Variants in FGF12 observed in about 807,000 individuals in gnomAD.
FGF12 encodes fibroblast growth factor 12.
A neutral mutation model predicts 23.6 loss-of-function variants in FGF12; 14 were observed. That is an observed-to-expected ratio of 0.59 (90% CI 0.39 to 0.93). The LOEUF is 0.93. Ranked by LOEUF, FGF12 falls within the 40% of genes least tolerant of loss-of-function variation. The pLI, the probability that FGF12 is intolerant of heterozygous loss-of-function variation, is 0.00. For missense variants in FGF12, 175 were observed against 217.8 expected (o/e 0.80, Z 1.24); for synonymous variants, 62 against 77.3 (o/e 0.80, Z 1.04).
rs141867179 is a variant in FGF12, at chr3:192,637,231, C to T, written c.13+89950G>A. 4.8e-3 allele frequency among the ~76,000 whole-genome samples: 732 copies of T among 152,306 alleles called. 1 individual carries two copies. Among genetic ancestry groups the T allele is most frequent in the Non-Finnish European group, 7.0e-3 (477 of 68,028 alleles). On this transcript the variant is annotated intron_variant, in intron 2 of 5. Transcript: ENST00000445105. ...AGCTTCTATGGCCCTCTTCTCAGGACGCCCAGAATAGCCATGTTCTGCACC... is the reference window on the plus strand; with the variant it reads ...AGCTTCTATGGCCCTCTTCTCAGGATGCCCAGAATAGCCATGTTCTGCACC...
At chr3:192,224,710 A>G (rs1221904325) in intron 4 of FGF12, among the ~76,000 whole-genome samples, 2 of 152,128 alleles carry the variant, frequency 1.3e-5, no homozygotes, top group Non-Finnish European at 2.9e-5. Flanking sequence ...TCAGAAAATT[A>G]GTTAGAATAA....
At chr3:192,707,544 G>A (rs1385031921) in intron 2 of FGF12, among the ~76,000 whole-genome samples, 1 of 151,916 alleles carries the variant, frequency 6.6e-6, no homozygotes, top group Non-Finnish European at 1.5e-5. Context: ...TCAGGAGATC[G>A]AGACCATCCT....
At chr3:192,647,589 A>C (rs896852031) in intron 2 of FGF12, among the ~76,000 whole-genome samples, 1 of 151,802 alleles carries the variant, frequency 6.6e-6, no homozygotes, top group Non-Finnish European at 1.5e-5. Context: ...GTCAATAATC[A>C]AAGAATGAAT....
rs1207101263 is a variant in FGF12 at position 192,336,852 on chromosome 3, T to C, written c.125-1388A>G. Reference sequence around the variant, plus strand: ...TTTCAGTCAAATGTTCAATTGACAGTTGTAGAGGATCAAGTCTTAGACCAC... The same window carrying C: ...TTTCAGTCAAATGTTCAATTGACAGCTGTAGAGGATCAAGTCTTAGACCAC... On this transcript the variant is annotated intron_variant, in intron 3 of 5. Transcript: ENST00000445105. The surrounding 1 kb of genome is among the most constrained non-coding windows in gnomAD (Gnocchi z 4.3). Among the ~76,000 whole-genome samples the C allele has an allele frequency of 6.6e-6, 1 of 152,042 alleles. No individual in the cohort carries two copies. The highest frequency in any genetic ancestry group is 1.5e-5 in the Non-Finnish European group (1 of 67,996).
rs1721127198 is a variant in FGF12, at chr3:192,409,745, C to T, written c.14-49207G>A. Among the ~76,000 whole-genome samples the T allele has an allele frequency of 6.6e-6, 1 of 152,120 alleles. No homozygotes were observed. The highest frequency in any genetic ancestry group is 2.4e-5 in the African/African-American group (1 of 41,448). On this transcript the variant is annotated intron_variant, in intron 2 of 5. Coordinates refer to ENST00000445105, the MANE Select transcript of FGF12 (RefSeq NM_004113.6). The surrounding 1 kb of genome is among the most constrained non-coding windows in gnomAD (Gnocchi z 4.8). ...GGCGCAGGCGGGGCCCCTAGGCCTCCTGGGGCTACCTCGCGAGGCAGCCGA... is the reference window on the plus strand; with the variant it reads ...GGCGCAGGCGGGGCCCCTAGGCCTCTTGGGGCTACCTCGCGAGGCAGCCGA...
At chr3:192,375,154 A>G (rs1719425130) in intron 2 of FGF12, among the ~76,000 whole-genome samples, 1 of 152,166 alleles carries the variant, frequency 6.6e-6, no homozygotes, top group Admixed American at 6.5e-5. Context: ...ATTAACACCA[A>G]ATATTTGGAT....
chr3:192,290,866 T>C (rs1714718642), intron 4 of FGF12, among the ~76,000 whole-genome samples: 1 of 152,152 alleles, frequency 6.6e-6, no homozygotes, highest in South Asian at 2.1e-4. Flanking sequence ...TCTGGTCTGG[T>C]AAGCTATAAA....
intron 4 of FGF12, among the ~76,000 whole-genome samples, chr3:192,246,186 T>A (rs1320347326): frequency 6.6e-6 from 1 of 152,118 alleles, no homozygotes; most frequent in Non-Finnish European, 1.5e-5. Context: ...TTTTAAAATT[T>A]ATATTTTAGA....
chr3:192,631,180 T>C (rs1026193094), intron 2 of FGF12, among the ~76,000 whole-genome samples: 5 of 152,144 alleles, frequency 3.3e-5, no homozygotes, highest in Non-Finnish European at 1.5e-5. Flanking sequence ...GAGTTCAGTG[T>C]CCTCCATCTA....
Position 192,437,934 on chromosome 3 carries a change from C to T in FGF12, c.14-77396G>A, listed in dbSNP as rs1020179043. On this transcript the variant is annotated intron_variant, in intron 2 of 5. Transcript: ENST00000445105. ...CTTCCTTCTTTTGTCCCTGAATAAA[C>T]GTGTTCTCTGAATTCTGTTCTTCTT... Among the ~76,000 whole-genome samples, 7 of 152,252 alleles carry T rather than the reference C, an allele frequency of 4.6e-5. 1 individual carries two copies. Among genetic ancestry groups the T allele is most frequent in the African/African-American group, 1.4e-4 (6 of 41,550 alleles).
Position 192,531,021 on chromosome 3 carries a change from G to A in FGF12, c.14-170483C>T, listed in dbSNP as rs1725072803. ...GTAGAGATAGCTTTTCACCATGTTG[G>A]CCAGGCTGGTCTCGAACTGACCTCA... On this transcript the variant is annotated intron_variant, in intron 2 of 5. Coordinates refer to ENST00000445105, the MANE Select transcript of FGF12 (RefSeq NM_004113.6). Among the ~76,000 whole-genome samples the A allele has an allele frequency of 2.0e-5, 3 of 152,054 alleles. No homozygotes were observed. The South Asian group carries it at 6.2e-4, about 32-fold the overall frequency.
At position 192,453,323 on chromosome 3, in the gene FGF12, A is replaced by G. The variant is rs1352388291; in HGVS notation, c.14-92785T>C. Among the ~76,000 whole-genome samples the G allele has an allele frequency of 3.3e-5, 5 of 152,134 alleles. 1 individual carries two copies. The South Asian group carries it at 6.2e-4, about 19-fold the overall frequency. On this transcript the variant is annotated intron_variant, in intron 2 of 5. Transcript: ENST00000445105. ...CATTTGAAAATCTTTTGTTCCTTCTATATCTAAACTTATAAATTTTACTTT... is the reference window on the plus strand; with the variant it reads ...CATTTGAAAATCTTTTGTTCCTTCTGTATCTAAACTTATAAATTTTACTTT...
intron 2 of FGF12, among the ~76,000 whole-genome samples, chr3:192,378,090 C>A: frequency 9.0e-6 from 1 of 110,812 alleles, no homozygotes; most frequent in African/African-American, 4.5e-5. Flanking sequence ...TTCTTTCTTT[C>A]TTTCTTCTTT....
chr3:192,613,615 T>G lies in FGF12; in HGVS notation c.13+113566A>C, dbSNP rs145084843. 4.4e-3 allele frequency among the ~76,000 whole-genome samples: 666 copies of G among 151,976 alleles called. 7 individuals are homozygous for G. The highest frequency in any genetic ancestry group is 0.016 in the African/African-American group (647 of 41,506). ...CAATTTTCCAGATATTTTATAAAAA[T>G]TTACAAATATTTACCAAGAGTCTTG... On this transcript the variant is annotated intron_variant, in intron 2 of 5. Transcript: ENST00000445105.
intron 2 of FGF12, among the ~76,000 whole-genome samples, chr3:192,372,829 C>A (rs78488208): frequency 6.6e-6 from 1 of 152,114 alleles, no homozygotes; most frequent in Non-Finnish European, 1.5e-5. Context: ...TTAGCATGGC[C>A]GGGAGAGCTT....
intron 2 of FGF12, among the ~76,000 whole-genome samples, chr3:192,429,496 G>A (rs908822869): frequency 6.6e-6 from 1 of 151,962 alleles, no homozygotes. Flanking sequence ...ATAAAGTATT[G>A]ATAGTCATAT....
intron 4 of FGF12, among the ~76,000 whole-genome samples, chr3:192,174,334 C>T (rs1228460765): frequency 6.6e-6 from 1 of 152,178 alleles, no homozygotes; most frequent in African/African-American, 2.4e-5. Context: ...GGGCTTTGAA[C>T]TACTAAATTG....
chr3:192,165,139 G>GTGA (rs1715091319), intron 5 of FGF12, among the ~76,000 whole-genome samples: 1 of 151,862 alleles, frequency 6.6e-6, no homozygotes, highest in African/African-American at 2.4e-5. Context: ...TTTTTTAGTA[G>GTGA]TGATGACGTT....
chr3:192,631,461 T>C (rs1430791850), intron 2 of FGF12, among the ~76,000 whole-genome samples: 3 of 152,228 alleles, frequency 2.0e-5, no homozygotes, highest in Non-Finnish European at 4.4e-5. Context: ...GTTCACCACA[T>C]TGAGCCCTCA....
Sources: gnomAD v4.1 joint callset for allele counts (sites outside exome capture counted in the v4.1 genomes callset) on GRCh38, gnomAD v4.1.1 for gene constraint, Gnocchi (gnomAD v3.1) non-coding constraint, MANE v1.5 for transcripts, NCBI Gene and HGNC (gene_info 2026-07-23, HGNC 2026-07-21) for gene names.